Variants in WHAMM observed in about 807,000 individuals in gnomAD.
WHAMM encodes WASP homolog-associated protein with actin, membranes and microtubules.
WHAMM carries 67 observed loss-of-function variants against 76.5 expected under a neutral mutation model. The ratio of observed to expected loss-of-function variants is 0.88; its 90% CI spans 0.72 to 1.07. WHAMM has a LOEUF of 1.07. WHAMM is among the 50% of genes least tolerant of loss of function. The pLI is 0.00. For synonymous variants in WHAMM, 419 were observed against 422.1 expected, an observed-to-expected ratio of 0.99 and a Z score of 0.09; for missense variants, 1,021 against 1,051.1, an observed-to-expected ratio of 0.97 and a Z score of 0.40.
rs934534140 is a variant in WHAMM at position 82,833,588 on chromosome 15, A to G, written c.*52A>G. ...ACAGTAGGCTTGAATAAAGTGGGTG[A>G]GTCTTAGACCTATCGAAAAGCATAC... On this transcript the variant is annotated 3_prime_UTR_variant, in exon 10 of 10. Coordinates refer to ENST00000286760, the MANE Select transcript of WHAMM (RefSeq NM_001080435.3). The G allele has an allele frequency of 6.3e-7, 1 of 1,581,840 alleles. No individual in the cohort carries two copies. Among genetic ancestry groups the G allele is most frequent in the African/African-American group, 1.3e-5 (1 of 74,458 alleles).
chr15:82,829,748 A>T (rs994094947), intron 8 of WHAMM, among the ~76,000 whole-genome samples: 3 of 151,728 alleles, frequency 2.0e-5, no homozygotes, highest in African/African-American at 7.3e-5. Context: ...ATCATATTGA[A>T]CTCATCCTTT....
intron 8 of WHAMM, among the ~76,000 whole-genome samples, chr15:82,827,809 G>A (rs974096233): frequency 2.0e-5 from 3 of 152,166 alleles, no homozygotes; most frequent in African/African-American, 7.2e-5. Context: ...GCCGGGCATG[G>A]TGGTGCATGC....
Position 82,830,607 on chromosome 15 carries a change from A to G in WHAMM, c.1650A>G (p.Leu550=). ...QRLRSFKDKR[L]AQSVRNTSGS... ...TGGTTTTTCATTTTCAGAAACGCCT[A>G]GCTCAATCTGTCCGAAACACCTCTG... The change falls in exon 9 of 10, where the codon CTA becomes CTG. Residue 550 remains leucine (L), a synonymous_variant. Transcript: ENST00000286760. The G allele has an allele frequency of 6.2e-7, 1 of 1,610,944 alleles. No individual in the cohort carries two copies. Among genetic ancestry groups the G allele is most frequent in the Non-Finnish European group, 8.5e-7 (1 of 1,177,854 alleles).
intron 8 of WHAMM, among the ~76,000 whole-genome samples, chr15:82,829,167 T>C (rs1243162521): frequency 1.3e-5 from 2 of 152,188 alleles, no homozygotes; most frequent in Admixed American, 1.3e-4. Flanking sequence ...ACAGGCTGTA[T>C]GTGCAATATA....
intron 8 of WHAMM, 46 bp from the exon 9 acceptor site, chr15:82,830,553 G>C (rs1259156140): frequency 1.3e-6 from 2 of 1,584,680 alleles, no homozygotes; most frequent in Admixed American, 1.7e-5. Context: ...GCATTTTGAT[G>C]GTTTGCACTT....
intron 8 of WHAMM, among the ~76,000 whole-genome samples, 165 bp downstream of exon 8, chr15:82,827,011 A>G (rs1596286589): frequency 6.6e-6 from 1 of 152,214 alleles, no homozygotes; most frequent in African/African-American, 2.4e-5. Flanking sequence ...ACAAAAATAG[A>G]ATATCAGTGA....
Position 82,810,244 on chromosome 15 carries a change from A to T in WHAMM, c.518A>T (p.Glu173Val). 7.2e-7 allele frequency: 1 copy of T among 1,396,766 alleles called. No homozygotes were observed. Among genetic ancestry groups the T allele is most frequent in the Non-Finnish European group, 9.3e-7 (1 of 1,076,550 alleles). 86.5% of individuals were successfully genotyped at this position (1,396,766 alleles called of 1,614,324 possible). The change falls in exon 1 of 10, where the codon GAG becomes GTG. Residue 173 changes from glutamate (E) to valine (V), a missense_variant. Physicochemically the swap from Glu to Val is moderately radical, Grantham distance 121. Coordinates refer to ENST00000286760, the MANE Select transcript of WHAMM (RefSeq NM_001080435.3). ...ATVRDALFPA[E>V]GGAADCESPR... is the part of the protein sequence containing the mutation. ...GTGCGCGACGCACTCTTCCCGGCTG[A>T]GGGCGGCGCGGCCGACTGCGAAAGC...
In WHAMM at chr15:82,831,064, A is replaced by C; in HGVS notation, c.2107A>C (p.Ser703Arg). Residue 703 changes from serine to arginine, a missense_variant, in exon 9 of 10, where the codon AGT becomes CGT. Ser to Arg is a moderately radical substitution (Grantham distance 110). This residue lies in a region of WHAMM where 509 missense variants were observed against 492.3 expected (regional missense o/e 1.03). Coordinates refer to ENST00000286760, the MANE Select transcript of WHAMM (RefSeq NM_001080435.3). ...PAERPRDSLESFSCPGSMDEV... is the reference protein window; with the variant it reads ...PAERPRDSLERFSCPGSMDEV... ...TGAGCGACCACGTGACTCCTTGGAA[A>C]GTTTTTCATGTCCAGGTAATCCACT... 2 of 1,607,060 alleles carry C rather than the reference A, an allele frequency of 1.2e-6. No homozygotes were observed. Among genetic ancestry groups the C allele is most frequent in the Non-Finnish European group, 1.7e-6 (2 of 1,179,638 alleles).
chr15:82,816,694 G>C lies in WHAMM; in HGVS notation c.786G>C (p.Lys262Asn). Residue 262 changes from lysine to asparagine, a missense_variant and splice_region_variant, in exon 3 of 10, where the codon AAG (lysine) becomes AAC (asparagine). This residue lies in a region of WHAMM where 501 missense variants were observed against 524.9 expected (regional missense o/e 0.95). Transcript: ENST00000286760. ...AAAATTTTCCCTTCTGTCTGTAGAA[G>C]TCTTTGGATGAGGATGACCTAGGTC... ...VATLCKLDIL[K>N]SLDEDDLGPR... 2 of 1,549,826 alleles carry C rather than the reference G, an allele frequency of 1.3e-6. No homozygotes were observed. Among genetic ancestry groups the C allele is most frequent in the Non-Finnish European group, 1.7e-6 (2 of 1,147,044 alleles).
chr15:82,816,363 C>T (rs1317104585), intron 2 of WHAMM, among the ~76,000 whole-genome samples: 3 of 152,150 alleles, frequency 2.0e-5, no homozygotes, highest in Non-Finnish European at 4.4e-5. Context: ...TGCTTGACAA[C>T]ACAGATCACT....
In WHAMM at chr15:82,831,014, G is replaced by T. The variant is rs3814281; in HGVS notation, c.2057G>T (p.Arg686Leu). Reference protein sequence around the residue: ...FRAPVKDDQPRPLVCESPAER... With the variant: ...FRAPVKDDQPLPLVCESPAER... ...GCTCCAGTGAAAGATGACCAGCCAC[G>T]TCCTCTAGTGTGCGAATCACCTGCT... is the stretch of plus-strand genomic sequence containing the variant. Residue 686 changes from arginine to leucine, a missense_variant, in exon 9 of 10, where the codon CGT (arginine) becomes CTT (leucine). Physicochemically the swap from Arg to Leu is moderately radical, Grantham distance 102. Coordinates refer to ENST00000286760, the MANE Select transcript of WHAMM (RefSeq NM_001080435.3). 6.3e-6 allele frequency: 10 copies of T among 1,598,468 alleles called. No individual in the cohort carries two copies. Among genetic ancestry groups the T allele is most frequent in the Non-Finnish European group, 8.5e-6 (10 of 1,173,628 alleles).
Position 82,810,145 on chromosome 15 carries a change from C to T in WHAMM, c.419C>T (p.Ala140Val). 2 of 1,369,904 alleles carry T rather than the reference C, an allele frequency of 1.5e-6. No homozygotes were observed. Among genetic ancestry groups the T allele is most frequent in the Admixed American group, 2.7e-5 (1 of 36,386 alleles). The allele number at this position is 1,369,904 out of a possible 1,614,324, so 84.9% of individuals were successfully genotyped here. Reference sequence around the variant, plus strand: ...CCGACGCGCGCGGGTCCCGGCGAGGCGGCGCTGCAGGAGCTGTGCGGGCAG... The same window carrying T: ...CCGACGCGCGCGGGTCCCGGCGAGGTGGCGCTGCAGGAGCTGTGCGGGCAG... The part of the protein sequence containing the change: ...LWPTRAGPGE[A>V]ALQELCGQLE... The change falls in exon 1 of 10, where the codon GCG becomes GTG. Residue 140 changes from alanine (A) to valine (V), a missense_variant. Ala to Val is a moderately conservative substitution (Grantham distance 64, BLOSUM62 0). Coordinates refer to ENST00000286760, the MANE Select transcript of WHAMM (RefSeq NM_001080435.3).
In WHAMM at chr15:82,834,644, T is replaced by C. The variant is rs1289315313; in HGVS notation, c.*1108T>C. On this transcript the variant is annotated 3_prime_UTR_variant, in exon 10 of 10. Coordinates refer to ENST00000286760, the MANE Select transcript of WHAMM (RefSeq NM_001080435.3). ...TTATTTTATCAGTAATCAGAATAAA[T>C]TGCTTATATTCAGGAGTTATTTTAA... 1 of 152,668 alleles carries C rather than the reference T, an allele frequency of 6.6e-6. No individual in the cohort carries two copies. Among genetic ancestry groups the C allele is most frequent in the East Asian group, 1.9e-4 (1 of 5,204 alleles). The allele number at this position is 152,668 out of a possible 1,614,324, so 9.5% of individuals were successfully genotyped here.
chr15:82,830,878 C>A lies in WHAMM; in HGVS notation c.1921C>A (p.Pro641Thr). 6.4e-7 allele frequency: 1 copy of A among 1,574,196 alleles called. No homozygotes were observed. The highest frequency in any genetic ancestry group is 8.6e-7 in the Non-Finnish European group (1 of 1,157,840). Residue 641 changes from proline (P) to threonine (T), a missense_variant, in exon 9 of 10, where the codon CCT (proline) becomes ACT (threonine). This residue lies in a region of WHAMM where 509 missense variants were observed against 492.3 expected (regional missense o/e 1.03). Transcript: ENST00000286760. ...CAGTGAGGAATTGTCACTGCCACCACCTCCTCCTCCTCCACCACCACCACC... is the reference window on the plus strand; with the variant it reads ...CAGTGAGGAATTGTCACTGCCACCAACTCCTCCTCCTCCACCACCACCACC... ...KSSEELSLPP[P>T]PPPPPPPPPP...
In WHAMM at chr15:82,836,012, T is replaced by C. The variant is rs2151579621; in HGVS notation, c.*2476T>C. 6.6e-6 allele frequency: 1 copy of C among 152,378 alleles called. No homozygotes were observed. Among genetic ancestry groups the C allele is most frequent in the East Asian group, 1.9e-4 (1 of 5,192 alleles). The allele number at this position is 152,378 out of a possible 1,614,324, so 9.4% of individuals were successfully genotyped here. Reference sequence around the variant, plus strand: ...GAGCTTAATCAGGCTAAAATAATTCTCAGAATTTGCTTTCTAAGGGCTGCC... The same window carrying C: ...GAGCTTAATCAGGCTAAAATAATTCCCAGAATTTGCTTTCTAAGGGCTGCC... On this transcript the variant is annotated 3_prime_UTR_variant, in exon 10 of 10. Coordinates refer to ENST00000286760, the MANE Select transcript of WHAMM (RefSeq NM_001080435.3).
At chr15:82,833,083 C>G (rs977482861) in intron 9 of WHAMM, 146 bp from the exon 10 acceptor site, 29 of 972,164 alleles carry the variant, frequency 3.0e-5, no homozygotes, top group East Asian at 1.1e-4. Flanking sequence ...ATCGTTAGCA[C>G]GTAATCAAGG....
intron 5 of WHAMM, among the ~76,000 whole-genome samples, chr15:82,821,998 A>T (rs1225031039): frequency 2.6e-5 from 4 of 152,214 alleles, no homozygotes; most frequent in Admixed American, 2.0e-4. Context: ...TAGGAAAAAA[A>T]TTACATTAAA....
chr15:82,829,645 C>T (rs747100445), intron 8 of WHAMM, among the ~76,000 whole-genome samples: 2 of 151,582 alleles, frequency 1.3e-5, no homozygotes, highest in Non-Finnish European at 2.9e-5. Context: ...TTGAGTTTAT[C>T]GTGGATTGCA....
At chr15:82,820,785 C>T (rs557623410) in intron 5 of WHAMM, among the ~76,000 whole-genome samples, 1 of 151,904 alleles carries the variant, frequency 6.6e-6, no homozygotes, top group East Asian at 1.9e-4. Context: ...ATCCCAGCTA[C>T]CTGTGAGGCT....
Sources: allele counts gnomAD v4.1 joint callset (sites outside exome capture counted in the v4.1 genomes callset), GRCh38; gene constraint gnomAD v4.1.1; regional missense constraint gnomAD v4.1.1; transcripts MANE v1.5; gene names NCBI Gene and HGNC (gene_info 2026-07-23, HGNC 2026-07-21).